The following ROS1 variants were observed in gnomAD, a reference collection of about 807,000 sequenced individuals.
The protein encoded by ROS1 is ROS proto-oncogene 1, receptor tyrosine kinase.
Under a neutral mutation model 273.5 loss-of-function variants are expected in ROS1, and 263 were observed. That is an observed-to-expected ratio of 0.96 (90% CI 0.87 to 1.06). ROS1 has a LOEUF of 1.06. Ranked by LOEUF, ROS1 falls within the 50% of genes least tolerant of loss-of-function variation. The pLI, the probability that ROS1 is intolerant of heterozygous loss-of-function variation, is 0.00. For synonymous variants in ROS1, 1,008 were observed against 954.1 expected (o/e 1.06, Z -1.04); for missense variants, 2,833 against 2,751.1 (o/e 1.03, Z -0.67).
At chr6:117,315,473 A>G (rs1052328843) in intron 39 of ROS1, among the ~76,000 whole-genome samples, 6 of 152,130 alleles carry the variant, frequency 3.9e-5, no homozygotes, top group Admixed American at 2.6e-4. Context: ...GAGGCAAAAA[A>G]CAGACCACTG....
At chr6:117,303,088 A>G (rs1178507182) in intron 42 of ROS1, among the ~76,000 whole-genome samples, 1 of 152,232 alleles carries the variant, frequency 6.6e-6, no homozygotes, top group Non-Finnish European at 1.5e-5. Context: ...AACATTAACA[A>G]GGAGCTAAAG....
At chr6:117,413,081 G>C (rs72967499) in intron 4 of ROS1, among the ~76,000 whole-genome samples, 5 of 152,004 alleles carry the variant, frequency 3.3e-5, no homozygotes, top group Non-Finnish European at 7.4e-5. Context: ...TTGCTCAGAT[G>C]CAATTTTTAT....
chr6:117,425,647 T>C lies in ROS1; in HGVS notation c.10A>G (p.Ile4Val), dbSNP rs369466253. The change falls in exon 1 of 44, where the codon ATT (isoleucine) becomes GTT (valine). Residue 4 changes from isoleucine (I) to valine (V), a missense_variant. Transcript: ENST00000368507. MKN[I>V]YCLIPKLVNF... ...ACAAGCTTCGGAATAAGACAGTAAA[T>C]GTTCTTCATCACTTCACCAATGGCA... is the stretch of plus-strand genomic sequence containing the variant. The C allele has an allele frequency of 6.2e-7, 1 of 1,611,258 alleles. No homozygotes were observed. The highest frequency in any genetic ancestry group is 8.5e-7 in the Non-Finnish European group (1 of 1,179,038).
chr6:117,394,719 C>T lies in ROS1; in HGVS notation c.903G>A (p.Trp301Ter), dbSNP rs1378760239. ...SSSAVQQEEQWLFLSRKTSLR... is the reference protein window; with the variant it reads ...SSSAVQQEEQ ...GAGAAGTTTTTCTGGATAAAAAGAG[C>T]CACTGTTCCTCTTGTTGAACTGAAA... The change falls in exon 10 of 44, where the codon TGG becomes TGA. Residue 301 changes from tryptophan (W) to a stop codon, truncating the protein, a stop_gained. Coordinates refer to ENST00000368507, the MANE Select transcript of ROS1 (RefSeq NM_001378902.1). LOFTEE classifies it high-confidence loss of function. 6.2e-7 allele frequency: 1 copy of T among 1,609,612 alleles called. No individual in the cohort carries two copies. The highest frequency in any genetic ancestry group is 8.5e-7 in the Non-Finnish European group (1 of 1,178,052).
At position 117,326,371 on chromosome 6, in the gene ROS1, T is replaced by C; in HGVS notation, c.5392A>G (p.Lys1798Glu). Residue 1798 changes from lysine to glutamate, a missense_variant, in exon 34 of 44, where the codon AAG (lysine) becomes GAG (glutamate). Lys to Glu is a moderately conservative substitution (Grantham distance 56). Transcript: ENST00000368507. ...NNLQNQNLRWKMTFNGSCSSV... is the reference protein window; with the variant it reads ...NNLQNQNLRWEMTFNGSCSSV... The stretch of plus-strand genomic sequence containing the variant: ...CTGCAGGATCCATTAAATGTCATCT[T>C]CCACCTTAAATTCTGGTTCTGTAAA... The C allele has an allele frequency of 4.5e-6, 7 of 1,566,912 alleles. No homozygotes were observed. Among genetic ancestry groups the C allele is most frequent in the Non-Finnish European group, 6.0e-6 (7 of 1,164,558 alleles).
At chr6:117,310,415 T>C (rs986721678) in intron 40 of ROS1, 134 bp from the exon 41 acceptor site, 1 of 615,206 alleles carries the variant, frequency 1.6e-6, no homozygotes, top group Non-Finnish European at 2.7e-6. Flanking sequence ...CTGGATTACA[T>C]GTGCTGAACA....
chr6:117,362,683 A>G lies in ROS1; in HGVS notation c.3286T>C (p.Trp1096Arg), dbSNP rs1409023701. The G allele has an allele frequency of 8.7e-6, 14 of 1,613,292 alleles. No individual in the cohort carries two copies. Among genetic ancestry groups the G allele is most frequent in the Non-Finnish European group, 1.2e-5 (14 of 1,179,438 alleles). The change falls in exon 22 of 44, where the codon TGG becomes CGG. Residue 1096 changes from tryptophan to arginine, a missense_variant. Transcript: ENST00000368507. ...GAGGGAGTGACATTGACAGCAATCC[A>G]GTCTTCACATGTTTTGTTTGTAATA... ...QSITNKTCEDWIAVNVTPSVM... is the reference protein window; with the variant it reads ...QSITNKTCEDRIAVNVTPSVM...
At chr6:117,397,564 C>T (rs1383777929) in intron 7 of ROS1, among the ~76,000 whole-genome samples, 1 of 152,168 alleles carries the variant, frequency 6.6e-6, no homozygotes, top group African/African-American at 2.4e-5. Flanking sequence ...TTGCTGGTTC[C>T]AGCTGGAGAT....
At chr6:117,372,142 A>T (rs572504425) in intron 18 of ROS1, among the ~76,000 whole-genome samples, 58 of 152,318 alleles carry the variant, frequency 3.8e-4, no homozygotes, top group Non-Finnish European at 6.8e-4. Context: ...CCAACATTAC[A>T]CTGAATAGAG....
At chr6:117,297,623 C>T (rs1315408582) in intron 43 of ROS1, among the ~76,000 whole-genome samples, 5 of 151,874 alleles carry the variant, frequency 3.3e-5, no homozygotes, top group African/African-American at 1.2e-4. Context: ...GGAAAAATGC[C>T]CAAAATCCCT....
intron 33 of ROS1, among the ~76,000 whole-genome samples, chr6:117,327,259 C>T (rs1021697463): frequency 1.3e-5 from 2 of 152,110 alleles, no homozygotes; most frequent in African/African-American, 2.4e-5. Context: ...GTAAGAACAT[C>T]GGGAGCAGCA....
intron 22 of ROS1, among the ~76,000 whole-genome samples, chr6:117,361,659 T>C (rs746584020): frequency 9.9e-5 from 15 of 151,264 alleles, no homozygotes; most frequent in Non-Finnish European, 1.9e-4. Flanking sequence ...TAGGAACGTG[T>C]ACTATCTTTA....
intron 21 of ROS1, among the ~76,000 whole-genome samples, chr6:117,364,811 T>C (rs1454105693): frequency 6.6e-6 from 1 of 152,210 alleles, no homozygotes; most frequent in African/African-American, 2.4e-5. Context: ...AATATGCATC[T>C]GCATCTTCTA....
intron 15 of ROS1, among the ~76,000 whole-genome samples, 164 bp from the exon 16 acceptor site, chr6:117,386,025 C>T (rs1184153875): frequency 6.6e-6 from 1 of 152,250 alleles, no homozygotes; most frequent in Non-Finnish European, 1.5e-5. Flanking sequence ...GTTTCCCAAA[C>T]TCTTAACCCC....
intron 29 of ROS1, 92 bp downstream of exon 29, chr6:117,342,308 C>T (rs575583819): frequency 5.6e-5 from 69 of 1,238,148 alleles, no homozygotes; most frequent in East Asian, 4.2e-4. Context: ...AAAATTACTT[C>T]GCATTCAGAT....
rs547917167 is a variant in ROS1, at chr6:117,404,432, G to C, written c.317-4C>G. On this transcript the variant is annotated splice_region_variant and splice_polypyrimidine_tract_variant and intron_variant, in intron 5 of 43. Coordinates refer to ENST00000368507, the MANE Select transcript of ROS1 (RefSeq NM_001378902.1). ...GCAGTTGGTAGGTCTGCATTTTCTG[G>C]GGAAAAAACAAGATTTCACTCACCA... 6.8e-6 allele frequency: 11 copies of C among 1,610,744 alleles called. No individual in the cohort carries two copies. Among genetic ancestry groups the C allele is most frequent in the Non-Finnish European group, 8.5e-6 (10 of 1,178,748 alleles).
At chr6:117,313,298 C>T (rs112888747) in intron 39 of ROS1, among the ~76,000 whole-genome samples, 49 of 152,180 alleles carry the variant, frequency 3.2e-4, no homozygotes, top group African/African-American at 1.1e-3. Flanking sequence ...GGTGTGGTAT[C>T]TCATGCCTGT....
rs958061906 is a variant in ROS1, at chr6:117,402,005, C to T, written c.604+1134G>A. Among the ~76,000 whole-genome samples, 4 of 152,144 alleles carry T rather than the reference C, an allele frequency of 2.6e-5. 1 individual carries two copies. In the East Asian group the frequency reaches 7.7e-4, roughly 29 times the overall value. On this transcript the variant is annotated intron_variant, in intron 7 of 43. Coordinates refer to ENST00000368507, the MANE Select transcript of ROS1 (RefSeq NM_001378902.1). ...ACCACATGGCTTCCTACCAGTTCTT[C>T]CTGCTTCCTCCCACACCCCAGAGTT...
chr6:117,298,070 C>T (rs1408927409), intron 43 of ROS1, among the ~76,000 whole-genome samples: 1 of 152,078 alleles, frequency 6.6e-6, no homozygotes, highest in Non-Finnish European at 1.5e-5. Flanking sequence ...TTTGTAGCAA[C>T]ATGGATGAAA....
Sources: gnomAD v4.1 joint callset for allele counts (sites outside exome capture counted in the v4.1 genomes callset) on GRCh38, gnomAD v4.1.1 for gene constraint, MANE v1.5 for transcripts, NCBI Gene and HGNC (gene_info 2026-07-23, HGNC 2026-07-21) for gene names.